Variants in AFF3 observed in about 807,000 individuals in gnomAD.
The protein encoded by AFF3 is AF4/FMR2 family member 3.
A neutral mutation model predicts 129.7 loss-of-function variants in AFF3; 32 were observed. That is an observed-to-expected ratio of 0.25 (90% CI 0.19 to 0.33). AFF3 has a LOEUF of 0.33. Among genes scored for constraint, AFF3 ranks in the 10% least tolerant of loss-of-function variants. The probability of loss-of-function intolerance (pLI) is 1.00; values close to 1 mark genes in which losing one functional copy is unlikely to be tolerated. For missense variants in AFF3, 1,373 were observed against 1,592.0 expected (o/e 0.86, Z 2.34); for synonymous variants, 644 against 635.4 (o/e 1.01, Z -0.20).
chr2:99,792,701 C>T (rs377189867), intron 8 of AFF3, among the ~76,000 whole-genome samples: 5 of 152,090 alleles, frequency 3.3e-5, no homozygotes, highest in East Asian at 3.8e-4. Context: ...TTGCCAAATG[C>T]TTTTTCTGCA....
intron 8 of AFF3, among the ~76,000 whole-genome samples, chr2:99,790,198 G>A (rs1346682402): frequency 3.3e-5 from 5 of 152,222 alleles, no homozygotes; most frequent in Non-Finnish European, 7.3e-5. Context: ...AAATGTGACA[G>A]TAACAGCAGA....
rs534529258 is a variant in AFF3 at position 100,102,446 on chromosome 2, T to C, written c.53+1956A>G. 3.9e-5 allele frequency among the ~76,000 whole-genome samples: 6 copies of C among 152,348 alleles called. No homozygotes were observed. The South Asian group carries it at 1.2e-3, about 32-fold the overall frequency. On this transcript the variant is annotated intron_variant, in intron 4 of 24. Coordinates refer to ENST00000672756, the MANE Select transcript of AFF3 (RefSeq NM_001386135.1). ...CTCGATGCACTGATTAAAATGTGAT[T>C]GCACGTACATCAACTTTTTAAAAAA... is the stretch of plus-strand genomic sequence containing the variant.
intron 8 of AFF3, among the ~76,000 whole-genome samples, chr2:99,795,429 G>A (rs561502801): frequency 7.2e-5 from 11 of 152,242 alleles, no homozygotes; most frequent in Admixed American, 5.2e-4. Context: ...TGAGGGATGC[G>A]AAATTACTAA....
chr2:99,670,000 C>T (rs1444112176), intron 12 of AFF3, among the ~76,000 whole-genome samples: 1 of 152,124 alleles, frequency 6.6e-6, no homozygotes, highest in African/African-American at 2.4e-5. Flanking sequence ...GATGGGTGAC[C>T]TCAAATTTCG....
intron 8 of AFF3, among the ~76,000 whole-genome samples, chr2:99,816,171 T>C (rs1361863980): frequency 2.6e-5 from 4 of 152,158 alleles, no homozygotes; most frequent in African/African-American, 9.7e-5. Flanking sequence ...TTATCTCTGT[T>C]TTCCATTTTA....
chr2:100,109,709 G>A (rs1024410004), intron 2 of AFF3: 1 of 152,204 alleles, frequency 6.6e-6, no homozygotes, highest in African/African-American at 2.4e-5. Flanking sequence ...TCAACTGGGT[G>A]CTGTTCTAAA....
intron 7 of AFF3, among the ~76,000 whole-genome samples, chr2:99,900,541 C>T (rs146665865): frequency 2.8e-4 from 43 of 152,204 alleles, no homozygotes; most frequent in African/African-American, 1.0e-3. Flanking sequence ...CTGCCCATAG[C>T]GACAACGTTT....
At chr2:99,552,750 C>G (rs187141432) in intron 24 of AFF3, among the ~76,000 whole-genome samples, 2 of 152,272 alleles carry the variant, frequency 1.3e-5, no homozygotes, top group South Asian at 2.1e-4. Flanking sequence ...GCACTGGACA[C>G]TTGGCACTGA....
intron 7 of AFF3, among the ~76,000 whole-genome samples, chr2:99,991,786 C>G (rs1002165546): frequency 6.6e-6 from 1 of 152,032 alleles, no homozygotes; most frequent in African/African-American, 2.4e-5. Flanking sequence ...ACCTGTAACC[C>G]TCGCTACTCA....
chr2:100,134,705 A>G (rs1450431693), intron 1 of AFF3, among the ~76,000 whole-genome samples: 1 of 152,124 alleles, frequency 6.6e-6, no homozygotes, highest in Non-Finnish European at 1.5e-5. Context: ...TCTCCTCTCC[A>G]CCACCCATAG....
rs752482037 is a variant in AFF3, at chr2:99,578,389, C to T, written c.2856G>A (p.Pro952=). ...TGTGGCCGTTGGAGCCTGGAGACCA[C>T]GGCTTCGTCTGCGGCCGTGACTTGT... The part of the protein sequence containing the change: ...PLHKSRPQTK[P]WSPGSNGHRD... The change falls in exon 18 of 25, where the codon CCG becomes CCA. Residue 952 remains proline, a synonymous_variant. Coordinates refer to ENST00000672756, the MANE Select transcript of AFF3 (RefSeq NM_001386135.1). 34 of 1,610,840 alleles carry T rather than the reference C, an allele frequency of 2.1e-5. No individual in the cohort carries two copies. The highest frequency in any genetic ancestry group is 1.3e-4 in the South Asian group (12 of 90,224).
chr2:100,010,158 A>G (rs1386046829), intron 4 of AFF3, among the ~76,000 whole-genome samples: 3 of 152,234 alleles, frequency 2.0e-5, no homozygotes, highest in African/African-American at 7.2e-5. Context: ...AATCTATAAA[A>G]TGGCTTTGGA....
At chr2:99,887,292 T>C (rs1056862136) in intron 7 of AFF3, among the ~76,000 whole-genome samples, 7 of 152,244 alleles carry the variant, frequency 4.6e-5, no homozygotes, top group African/African-American at 7.2e-5. Flanking sequence ...CTCTATTGTT[T>C]CCTCACCATT....
At chr2:100,113,980 C>T (rs1315370145) in intron 2 of AFF3, among the ~76,000 whole-genome samples, 3 of 151,938 alleles carry the variant, frequency 2.0e-5, no homozygotes, top group Non-Finnish European at 4.4e-5. Context: ...GAGATTGGGG[C>T]CAGATGGTGA....
intron 8 of AFF3, among the ~76,000 whole-genome samples, chr2:99,815,205 T>C (rs1352617558): frequency 2.0e-5 from 3 of 152,210 alleles, no homozygotes; most frequent in African/African-American, 7.2e-5. Context: ...TCATGAATTG[T>C]TCAGTCTTAT....
intron 7 of AFF3, among the ~76,000 whole-genome samples, chr2:100,004,295 A>G (rs1681735224): frequency 6.6e-6 from 1 of 152,194 alleles, no homozygotes; most frequent in Non-Finnish European, 1.5e-5. Context: ...TCATACCAGC[A>G]GTATCTTTAT....
intron 7 of AFF3, among the ~76,000 whole-genome samples, chr2:100,003,908 A>G (rs1681692692): frequency 6.6e-6 from 1 of 152,288 alleles, no homozygotes; most frequent in South Asian, 2.1e-4. Flanking sequence ...ACTGCAAATT[A>G]AAAGCTATGT....
intron 7 of AFF3, among the ~76,000 whole-genome samples, chr2:99,986,201 A>AAATAATAATAATAATAAT (rs35535526): frequency 7.3e-6 from 1 of 137,108 alleles, no homozygotes; most frequent in African/African-American, 2.7e-5. Flanking sequence ...ACTTCATCTC[A>AAATAATAATAATAATAAT]AATAATAATA....
At chr2:100,102,161 A>G (rs1305275784) in intron 4 of AFF3, among the ~76,000 whole-genome samples, 1 of 151,974 alleles carries the variant, frequency 6.6e-6, no homozygotes, top group Non-Finnish European at 1.5e-5. Flanking sequence ...ACCATCTATA[A>G]GCTTAAAAGT....
Sources: gnomAD v4.1 joint callset for allele counts (sites outside exome capture counted in the v4.1 genomes callset) on GRCh38, gnomAD v4.1.1 for gene constraint, MANE v1.5 for transcripts, NCBI Gene and HGNC (gene_info 2026-07-23, HGNC 2026-07-21) for gene names.